INHBA: variants seen among roughly 807,000 people sequenced by gnomAD.
The protein encoded by INHBA is inhibin subunit beta A.
A neutral mutation model predicts 29.0 loss-of-function variants in INHBA; 1 was observed. The ratio of observed to expected loss-of-function variants is 0.03; its 90% CI spans 0.01 to 0.16. The LOEUF is 0.16. Among genes scored for constraint, INHBA ranks in the 10% least tolerant of loss-of-function variants. The probability of loss-of-function intolerance (pLI) is 1.00; values close to 1 mark genes in which losing one functional copy is unlikely to be tolerated. For missense variants in INHBA, 376 were observed against 545.4 expected (o/e 0.69, Z 3.09); for synonymous variants, 242 against 216.8 (o/e 1.12, Z -1.02).
chr7:41,696,917 T>C (rs1031147169), intron 2 of INHBA, among the ~76,000 whole-genome samples: 1 of 152,210 alleles, frequency 6.6e-6, no homozygotes, highest in African/African-American at 2.4e-5. Context: ...CATCCATTTC[T>C]TGGTGTGTCA....
chr7:41,699,941 T>TCCCCC, intron 2 of INHBA, 46 bp downstream of exon 2: 4 of 118,748 alleles, frequency 3.4e-5, no homozygotes, highest in South Asian at 1.0e-4. Flanking sequence ...TATTTTACCC[T>TCCCCC]CCCACCCCCC....
rs1794393668 is a variant in INHBA, at chr7:41,686,402, G to A, written c.*3248C>T. ...GATAGTAAGGTTAGATAGAGCCACTGAGTTTCAAGAAAAAAACATACTACT... is the reference window on the plus strand; with the variant it reads ...GATAGTAAGGTTAGATAGAGCCACTAAGTTTCAAGAAAAAAACATACTACT... On this transcript the variant is annotated 3_prime_UTR_variant, in exon 3 of 3. Transcript: ENST00000242208. 1 of 152,054 alleles carries A rather than the reference G, an allele frequency of 6.6e-6. No individual in the cohort carries two copies. The highest frequency in any genetic ancestry group is 1.5e-5 in the Non-Finnish European group (1 of 67,972). The allele number at this position is 152,054 out of a possible 1,614,324, so 9.4% of individuals were successfully genotyped here.
chr7:41,696,078 G>A (rs891314500), intron 2 of INHBA, among the ~76,000 whole-genome samples: 15 of 151,996 alleles, frequency 9.9e-5, no homozygotes, highest in Non-Finnish European at 2.1e-4. Context: ...CCCTCAGTTC[G>A]GAAACAAACG....
chr7:41,704,121 G>A (rs917863602), upstream of INHBA, among the ~76,000 whole-genome samples: 1 of 152,196 alleles, frequency 6.6e-6, no homozygotes, highest in African/African-American at 2.4e-5. Flanking sequence ...CAGATATGTT[G>A]TTTTGTATGC....
In INHBA at chr7:41,690,354, C is replaced by T. The variant is rs1007889051; in HGVS notation, c.577G>A (p.Glu193Lys). 6 of 1,613,990 alleles carry T rather than the reference C, an allele frequency of 3.7e-6. No homozygotes were observed. In the African/African-American group the frequency reaches 5.3e-5, roughly 14 times the overall value. Residue 193 changes from glutamate (E) to lysine (K), a missense_variant, in exon 3 of 3, where the codon GAG becomes AAG. By Grantham distance (56) the Glu-to-Lys change is moderately conservative. Coordinates refer to ENST00000242208, the MANE Select transcript of INHBA (RefSeq NM_002192.4). ...CTCTCCCCCTTTAAGCCCACTTCCT[C>T]GGCCTCTTCCCCTGTGTCCAAGCTG... The part of the protein sequence containing the change: ...QGSLDTGEEA[E>K]EVGLKGERSE...
chr7:41,704,849 CTGTTCTTAAACATGGG>C (rs1794878980), upstream of INHBA, among the ~76,000 whole-genome samples: 1 of 152,092 alleles, frequency 6.6e-6, no homozygotes, highest in Non-Finnish European at 1.5e-5. Flanking sequence ...AGCCTGGTGG[CTGTTCTTAAACATGGG>C]TGTCACAGGA....
At chr7:41,701,642 A>AC (rs1284808881) in intron 1 of INHBA, among the ~76,000 whole-genome samples, 1 of 152,050 alleles carries the variant, frequency 6.6e-6, no homozygotes, top group Non-Finnish European at 1.5e-5. Flanking sequence ...ATTACAGCCT[A>AC]CCACCACTCG....
At chr7:41,701,556 G>A (rs1464211715) in intron 1 of INHBA, among the ~76,000 whole-genome samples, 1 of 152,142 alleles carries the variant, frequency 6.6e-6, no homozygotes, top group East Asian at 1.9e-4. Context: ...CCTGTCACAA[G>A]CCCAAGTTCC....
At chr7:41,700,841 A>AAGACAGAGAGAG (rs1794769298) in intron 1 of INHBA, among the ~76,000 whole-genome samples, 1 of 79,098 alleles carries the variant, frequency 1.3e-5, no homozygotes, top group East Asian at 4.8e-4. Context: ...GAGGGAAAGG[A>AAGACAGAGAGAG]AGAGAGAGAG....
In INHBA at chr7:41,689,897, T is replaced by C. The variant is rs1156386837; in HGVS notation, c.1034A>G (p.Tyr345Cys). The C allele has an allele frequency of 6.2e-7, 1 of 1,614,050 alleles. No individual in the cohort carries two copies. Among genetic ancestry groups the C allele is most frequent in the Admixed American group, 1.7e-5 (1 of 60,028 alleles). Reference sequence around the variant, plus strand: ...CTCACCCTCGCAGTAGTTGGCATGATAGCCAGAGGGAGCAATGATCCAGTC... The same window carrying C: ...CTCACCCTCGCAGTAGTTGGCATGACAGCCAGAGGGAGCAATGATCCAGTC... ...WNDWIIAPSG[Y>C]HANYCEGECP... Residue 345 changes from tyrosine (Y) to cysteine (C), a missense_variant, in exon 3 of 3, where the codon TAT becomes TGT. Tyr to Cys is a radical substitution (Grantham distance 194). This residue lies in a region of INHBA where 50 missense variants were observed against 137.9 expected (regional missense o/e 0.36). Transcript: ENST00000242208.
intron 2 of INHBA, among the ~76,000 whole-genome samples, chr7:41,697,827 G>T (rs1158557192): frequency 6.6e-6 from 1 of 152,180 alleles, no homozygotes; most frequent in Non-Finnish European, 1.5e-5. Context: ...GCAGCAAAAT[G>T]CTCACGTGGT....
chr7:41,690,101 C>T lies in INHBA; in HGVS notation c.830G>A (p.Gly277Asp). The T allele has an allele frequency of 1.2e-6, 2 of 1,613,794 alleles. No homozygotes were observed. The highest frequency in any genetic ancestry group is 1.7e-6 in the Non-Finnish European group (2 of 1,179,990). ...GEGKKKGGGEGGAGADEEKEQ... is the reference protein window; with the variant it reads ...GEGKKKGGGEDGAGADEEKEQ... ...CTTTTCCTCATCTGCTCCTGCCCCA[C>T]CTTCACCTCCGCCCTTCTTTTTCCC... The change falls in exon 3 of 3, where the codon GGT becomes GAT. Residue 277 changes from glycine to aspartate, a missense_variant. This residue lies in a region of INHBA where 253 missense variants were observed against 313.4 expected (regional missense o/e 0.81). Transcript: ENST00000242208.
At chr7:41,698,587 C>A (rs1794701704) in intron 2 of INHBA, among the ~76,000 whole-genome samples, 1 of 152,092 alleles carries the variant, frequency 6.6e-6, no homozygotes, top group African/African-American at 2.4e-5. Flanking sequence ...CCTTTTGGGG[C>A]TGGGTTAAGA....
intron 1 of INHBA, among the ~76,000 whole-genome samples, chr7:41,701,848 A>C (rs1247810372): frequency 6.6e-6 from 1 of 152,210 alleles, no homozygotes; most frequent in Non-Finnish European, 1.5e-5. Flanking sequence ...GCATTCATAG[A>C]CAGCCTCCTT....
At chr7:41,694,854 A>T (rs1794608222) in intron 2 of INHBA, among the ~76,000 whole-genome samples, 1 of 152,228 alleles carries the variant, frequency 6.6e-6, no homozygotes, top group Non-Finnish European at 1.5e-5. Flanking sequence ...TGTACCTCAC[A>T]GGGAATACCT....
In INHBA at chr7:41,690,110, C is replaced by T. The variant is rs569482596; in HGVS notation, c.821G>A (p.Gly274Glu). Residue 274 changes from glycine (G) to glutamate (E), a missense_variant, in exon 3 of 3, where the codon GGA (glycine) becomes GAA (glutamate). Around this residue, in one of 4 missense-constraint regions of INHBA, gnomAD observed 253 missense variants for 313.4 expected, o/e 0.81. Coordinates refer to ENST00000242208, the MANE Select transcript of INHBA (RefSeq NM_002192.4). ...EEEGEGKKKG[G>E]GEGGAGADEE... ...ATCTGCTCCTGCCCCACCTTCACCT[C>T]CGCCCTTCTTTTTCCCTTCCCCCTC... 4.2e-4 allele frequency: 682 copies of T among 1,613,750 alleles called. 5 individuals are homozygous for T. In the South Asian group the frequency reaches 7.1e-3, roughly 17 times the overall value.
rs1794432284 is a variant in INHBA, at chr7:41,688,515, AT to A, written c.*1134del. On this transcript the variant is annotated 3_prime_UTR_variant, in exon 3 of 3. Transcript: ENST00000242208. ...ACAAATGTCTTTGGTGTATGTGTCT[AT>A]TTTTTAAGGTACAAAATAATAATAA... is the stretch of plus-strand genomic sequence containing the variant. 6.6e-6 allele frequency: 1 copy of A among 151,908 alleles called. No individual in the cohort carries two copies. Among genetic ancestry groups the A allele is most frequent in the Admixed American group, 6.6e-5 (1 of 15,232 alleles). The allele number at this position is 151,908 out of a possible 1,614,324, so 9.4% of individuals were successfully genotyped here. A position where few individuals can be genotyped will look rare whatever the true frequency, so the allele number is the denominator to read the frequency against.
intron 1 of INHBA, 38 bp from the exon 2 acceptor site, chr7:41,700,555 T>C: frequency 1.8e-6 from 1 of 547,856 alleles, no homozygotes; most frequent in South Asian, 4.3e-5. Context: ...GAAGTTTTGT[T>C]TGCAGGTTCC....
In INHBA at chr7:41,689,340, G is replaced by T. The variant is rs372749601; in HGVS notation, c.*310C>A. The T allele has an allele frequency of 9.6e-6, 3 of 312,498 alleles. No individual in the cohort carries two copies. The highest frequency in any genetic ancestry group is 1.2e-5 in the Non-Finnish European group (2 of 171,184). The allele number at this position is 312,498 out of a possible 1,614,324, so 19.4% of individuals were successfully genotyped here. On this transcript the variant is annotated 3_prime_UTR_variant, in exon 3 of 3. Transcript: ENST00000242208. ...TCAAGGGGGGAAAGGACAATACCCC[G>T]TTTAAACAACTGATGTCATCAGTGT... is the stretch of plus-strand genomic sequence containing the variant.
Sources: allele counts gnomAD v4.1 joint callset (sites outside exome capture counted in the v4.1 genomes callset), GRCh38; gene constraint gnomAD v4.1.1; regional missense constraint gnomAD v4.1.1; transcripts MANE v1.5; gene names NCBI Gene and HGNC (gene_info 2026-07-23, HGNC 2026-07-21).